Variants in SCLT1 observed in about 807,000 individuals in gnomAD.
The protein encoded by SCLT1 is sodium channel-associated protein 1.
A neutral mutation model predicts 112.8 loss-of-function variants in SCLT1; 78 were observed. The observed-to-expected ratio is 0.69, with a 90% CI of 0.58 to 0.83. The LOEUF (loss-of-function observed/expected upper bound fraction) is 0.83, where lower values mean the gene tolerates loss of function less well. Among genes scored for constraint, SCLT1 ranks in the 40% least tolerant of loss-of-function variants. SCLT1 has a pLI of 0.00. For missense variants in SCLT1, 747 were observed against 770.4 expected, an observed-to-expected ratio of 0.97 and a Z score of 0.36; for synonymous variants, 257 against 254.7, an observed-to-expected ratio of 1.01 and a Z score of -0.09.
intron 4 of SCLT1, chr4:129,040,135 G>C: frequency 2.8e-6 from 2 of 701,778 alleles, no homozygotes; most frequent in South Asian, 3.0e-5. Context: ...AAGGAAGCTT[G>C]GTCTAGGAGA....
intron 5 of SCLT1, among the ~76,000 whole-genome samples, chr4:129,012,908 C>T (rs1056479856): frequency 1.3e-5 from 2 of 151,880 alleles, no homozygotes; most frequent in Non-Finnish European, 2.9e-5. Context: ...TTTGTCACTG[C>T]ATGTGAGATA....
chr4:128,954,499 G>C (rs1269070292), intron 13 of SCLT1, among the ~76,000 whole-genome samples: 2 of 151,980 alleles, frequency 1.3e-5, no homozygotes, highest in Admixed American at 6.5e-5. Context: ...ATTTTTAGTA[G>C]AGACGGGGTT....
chr4:128,988,704 T>G (rs1012504742), intron 9 of SCLT1, among the ~76,000 whole-genome samples: 9 of 151,468 alleles, frequency 5.9e-5, no homozygotes, highest in African/African-American at 2.2e-4. Flanking sequence ...GGATAAAAAA[T>G]AAGACCTAAT....
downstream of SCLT1, among the ~76,000 whole-genome samples, chr4:128,883,082 G>T (rs1579272034): frequency 6.7e-6 from 1 of 149,108 alleles, no homozygotes; most frequent in Non-Finnish European, 1.5e-5. Flanking sequence ...GGAGGCAGAG[G>T]TTGCAGTGAG....
intron 2 of SCLT1, among the ~76,000 whole-genome samples, chr4:129,062,729 C>T (rs976142098): frequency 5.3e-5 from 8 of 152,140 alleles, no homozygotes; most frequent in Non-Finnish European, 7.3e-5. Flanking sequence ...GTCTCCTGAT[C>T]TGTAAGGTAT....
chr4:129,071,490 G>A (rs1750998366), intron 2 of SCLT1, among the ~76,000 whole-genome samples: 1 of 152,142 alleles, frequency 6.6e-6, no homozygotes, highest in Non-Finnish European at 1.5e-5. Flanking sequence ...TTAAGATTGT[G>A]ATATCTTCCT....
chr4:128,969,441 G>A (rs917636380), intron 10 of SCLT1, among the ~76,000 whole-genome samples: 13 of 151,840 alleles, frequency 8.6e-5, no homozygotes, highest in South Asian at 4.2e-4. Context: ...GCGTGGCGGC[G>A]TGCACCTGTA....
At chr4:129,081,568 T>C (rs1372507174) in intron 2 of SCLT1, among the ~76,000 whole-genome samples, 4 of 151,984 alleles carry the variant, frequency 2.6e-5, no homozygotes, top group Admixed American at 6.6e-5. Flanking sequence ...AGAGAGAGAA[T>C]GGGGAGGTGC....
chr4:128,978,035 GAAGCA>G (rs1291107335), intron 9 of SCLT1, among the ~76,000 whole-genome samples: 1 of 152,184 alleles, frequency 6.6e-6, no homozygotes, highest in Non-Finnish European at 1.5e-5. Flanking sequence ...ATGTAGAGAT[GAAGCA>G]AAGGAGAGCA....
At chr4:129,066,205 T>A (rs989098792) in intron 2 of SCLT1, among the ~76,000 whole-genome samples, 2 of 152,000 alleles carry the variant, frequency 1.3e-5, no homozygotes, top group Non-Finnish European at 2.9e-5. Flanking sequence ...AGAAAACATA[T>A]AAACCAGATA....
intron 9 of SCLT1, among the ~76,000 whole-genome samples, chr4:128,976,770 G>A (rs919621341): frequency 6.6e-6 from 1 of 152,080 alleles, no homozygotes; most frequent in Non-Finnish European, 1.5e-5. Flanking sequence ...ATTGGCAGAG[G>A]AATTATATAT....
chr4:128,976,952 G>A (rs1741226967), intron 9 of SCLT1, among the ~76,000 whole-genome samples: 1 of 152,156 alleles, frequency 6.6e-6, no homozygotes, highest in African/African-American at 2.4e-5. Context: ...TCAATTTAAA[G>A]GCAAATGGGA....
At chr4:129,070,005 A>G (rs1201563706) in intron 2 of SCLT1, among the ~76,000 whole-genome samples, 1 of 152,036 alleles carries the variant, frequency 6.6e-6, no homozygotes, top group African/African-American at 2.4e-5. Flanking sequence ...GCATCTATTG[A>G]GATGATCATG....
chr4:128,949,014 A>C (rs966505713), intron 14 of SCLT1, among the ~76,000 whole-genome samples: 1 of 152,200 alleles, frequency 6.6e-6, no homozygotes, highest in African/African-American at 2.4e-5. Context: ...CAGCCAACAG[A>C]AATACTAAAA....
intron 5 of SCLT1, among the ~76,000 whole-genome samples, chr4:129,030,425 T>C (rs1026927451): frequency 6.6e-6 from 1 of 151,700 alleles, no homozygotes; most frequent in Non-Finnish European, 1.5e-5. Context: ...AGCAAACAAA[T>C]GGAAAAGCTA....
intron 10 of SCLT1, among the ~76,000 whole-genome samples, chr4:128,968,888 G>C (rs2126030052): frequency 6.6e-6 from 1 of 152,290 alleles, no homozygotes; most frequent in South Asian, 2.1e-4. Context: ...GATTTGGGCA[G>C]AGTTAGGGCT....
intron 2 of SCLT1, among the ~76,000 whole-genome samples, chr4:129,081,507 G>A (rs1751935363): frequency 6.6e-6 from 1 of 152,184 alleles, no homozygotes; most frequent in East Asian, 1.9e-4. Flanking sequence ...TTCAATCATG[G>A]TGGAAGATGA....
At chr4:129,031,738 G>C (rs183319444) in intron 5 of SCLT1, among the ~76,000 whole-genome samples, 41 of 152,170 alleles carry the variant, frequency 2.7e-4, no homozygotes, top group Non-Finnish European at 4.7e-4. Flanking sequence ...AAATACGTAG[G>C]AATCCAACTT....
intron 6 of SCLT1, among the ~76,000 whole-genome samples, chr4:129,001,563 A>T (rs575903948): frequency 6.6e-6 from 1 of 152,234 alleles, no homozygotes; most frequent in South Asian, 2.1e-4. Flanking sequence ...TTTAGAACAA[A>T]TTCATAAAAT....
Sources: gnomAD v4.1 joint callset for allele counts (sites outside exome capture counted in the v4.1 genomes callset) on GRCh38, gnomAD v4.1.1 for gene constraint, MANE v1.5 for transcripts, NCBI Gene and HGNC (gene_info 2026-07-23, HGNC 2026-07-21) for gene names.